The following PDGFC variants were observed in gnomAD, a reference collection of about 807,000 sequenced individuals.
PDGFC encodes the protein platelet derived growth factor C.
Under a neutral mutation model 35.5 loss-of-function variants are expected in PDGFC, and 12 were observed. The ratio of observed to expected loss-of-function variants is 0.34; its 90% confidence interval spans 0.22 to 0.55. PDGFC has a LOEUF of 0.55. PDGFC is among the 20% of genes least tolerant of loss of function. The pLI, the probability that PDGFC is intolerant of heterozygous loss-of-function variation, is 0.91. For synonymous variants in PDGFC, 159 were observed against 148.8 expected (o/e 1.07, Z -0.50); for missense variants, 322 against 412.4 (o/e 0.78, Z 1.90).
At chr4:156,877,252 T>G (rs990669072) in intron 1 of PDGFC, among the ~76,000 whole-genome samples, 1 of 151,292 alleles carries the variant, frequency 6.6e-6, no homozygotes, top group Non-Finnish European at 1.5e-5. Flanking sequence ...CCTTTCTCAG[T>G]GTTACGGAAA....
intron 1 of PDGFC, among the ~76,000 whole-genome samples, chr4:156,949,469 CTT>C (rs1337555836): frequency 6.6e-6 from 1 of 151,754 alleles, no homozygotes; most frequent in Non-Finnish European, 1.5e-5. Flanking sequence ...CTCTCTCTCT[CTT>C]GCTCACACAC....
At position 156,816,185 on chromosome 4, in the gene PDGFC, C is replaced by G. The variant is rs576148308; in HGVS notation, c.315-5168G>C. On this transcript the variant is annotated intron_variant, in intron 2 of 5. Coordinates refer to ENST00000502773, the MANE Select transcript of PDGFC (RefSeq NM_016205.3). ...TTTCTAGTTCATGCTAACTAAAACC[C>G]TGTCAATTAAATCTACCCTATGAAT... Among the ~76,000 whole-genome samples the G allele has an allele frequency of 2.6e-5, 4 of 152,258 alleles. No homozygotes were observed. The East Asian group carries it at 7.7e-4, about 29-fold the overall frequency.
chr4:156,948,554 T>C (rs963015235), intron 1 of PDGFC, among the ~76,000 whole-genome samples: 24 of 152,128 alleles, frequency 1.6e-4, no homozygotes, highest in Admixed American at 1.5e-3. Context: ...CTATTTGTAT[T>C]TGCCTTCCCT....
At chr4:156,850,974 T>A (rs986185867) in intron 1 of PDGFC, among the ~76,000 whole-genome samples, 3 of 152,168 alleles carry the variant, frequency 2.0e-5, no homozygotes, top group African/African-American at 7.2e-5. Flanking sequence ...AAAGACTGTT[T>A]TCAGCTTTTC....
intron 1 of PDGFC, among the ~76,000 whole-genome samples, chr4:156,893,856 C>T (rs1324941268): frequency 6.6e-6 from 1 of 152,112 alleles, no homozygotes; most frequent in Non-Finnish European, 1.5e-5. Context: ...CATAAACACA[C>T]ATTATATGTT....
At chr4:156,807,826 T>C (rs1731811261) in intron 3 of PDGFC, among the ~76,000 whole-genome samples, 1 of 152,060 alleles carries the variant, frequency 6.6e-6, no homozygotes, top group East Asian at 1.9e-4. Flanking sequence ...GTGATTAAAC[T>C]CACTTAAAAT....
chr4:156,797,242 A>C (rs1394401553), intron 3 of PDGFC, among the ~76,000 whole-genome samples: 1 of 151,980 alleles, frequency 6.6e-6, no homozygotes, highest in Admixed American at 6.5e-5. Flanking sequence ...AGTCTAAAAA[A>C]AAAAAAGAAA....
intron 4 of PDGFC, 22 bp downstream of exon 4, chr4:156,772,664 C>T (rs1333880370): frequency 1.3e-6 from 2 of 1,532,980 alleles, no homozygotes; most frequent in East Asian, 2.3e-5. Context: ...AAATGAGGTT[C>T]TAATCTGAAG....
chr4:156,941,430 G>T (rs1326277110), intron 1 of PDGFC, among the ~76,000 whole-genome samples: 1 of 152,106 alleles, frequency 6.6e-6, no homozygotes, highest in Admixed American at 6.6e-5. Context: ...TGTAATTTTA[G>T]ACAGAACATT....
chr4:156,930,833 C>T (rs1560878565), intron 1 of PDGFC, among the ~76,000 whole-genome samples: 1 of 152,076 alleles, frequency 6.6e-6, no homozygotes. Flanking sequence ...CATGCCATTG[C>T]ACTCCAGCCT....
At chr4:156,792,877 A>G (rs888695683) in intron 3 of PDGFC, among the ~76,000 whole-genome samples, 2 of 152,154 alleles carry the variant, frequency 1.3e-5, no homozygotes, top group African/African-American at 4.8e-5. Context: ...TCCAGAGGGT[A>G]TGAAGGAAAC....
At chr4:156,918,991 T>C (rs182959002) in intron 1 of PDGFC, among the ~76,000 whole-genome samples, 4 of 152,342 alleles carry the variant, frequency 2.6e-5, no homozygotes, top group African/African-American at 4.8e-5. Flanking sequence ...ACAACACGAC[T>C]TACCAAGCAT....
intron 1 of PDGFC, among the ~76,000 whole-genome samples, chr4:156,872,353 T>G (rs1182941436): frequency 6.6e-6 from 1 of 152,050 alleles, no homozygotes; most frequent in Non-Finnish European, 1.5e-5. Flanking sequence ...TAAAAAAAAG[T>G]GATTAAGAAT....
At chr4:156,822,864 G>A (rs1732309064) in intron 2 of PDGFC, among the ~76,000 whole-genome samples, 1 of 152,046 alleles carries the variant, frequency 6.6e-6, no homozygotes, top group Non-Finnish European at 1.5e-5. Context: ...TCGCCTCCCA[G>A]GTTCAAGCGA....
At chr4:156,869,127 A>C (rs2111136700) in intron 1 of PDGFC, among the ~76,000 whole-genome samples, 1 of 152,168 alleles carries the variant, frequency 6.6e-6, no homozygotes. Context: ...AATTTAATAT[A>C]ATTAGGTTTT....
chr4:156,843,090 A>G (rs1182738217), intron 2 of PDGFC, among the ~76,000 whole-genome samples: 3 of 152,130 alleles, frequency 2.0e-5, no homozygotes, highest in Admixed American at 6.5e-5. Flanking sequence ...TGCAAAACTC[A>G]TATGTGAAAT....
chr4:156,855,005 T>C (rs901415090), intron 1 of PDGFC, among the ~76,000 whole-genome samples: 5 of 151,774 alleles, frequency 3.3e-5, no homozygotes, highest in Admixed American at 3.3e-4. Flanking sequence ...AAGGTAGAGG[T>C]ACTGGAAACT....
intron 1 of PDGFC, among the ~76,000 whole-genome samples, chr4:156,878,734 A>G (rs1730174357): frequency 6.6e-6 from 1 of 152,098 alleles, no homozygotes; most frequent in African/African-American, 2.4e-5. Context: ...TGTAATACAA[A>G]TCATTGGTCT....
chr4:156,806,601 A>G lies in PDGFC; in HGVS notation c.495+4236T>C, dbSNP rs566578823. On this transcript the variant is annotated intron_variant, in intron 3 of 5. Transcript: ENST00000502773. ...GAATAGTTCTAAATATAAGACTAAA[A>G]TAACTTTAAAAATTCAGATTTAGAT... Among the ~76,000 whole-genome samples, 88 of 152,158 alleles carry G rather than the reference A, an allele frequency of 5.8e-4. No homozygotes were observed. In the South Asian group the frequency reaches 0.01, roughly 18 times the overall value.
Sources: allele counts gnomAD v4.1 joint callset (sites outside exome capture counted in the v4.1 genomes callset), GRCh38; gene constraint gnomAD v4.1.1; transcripts MANE v1.5; gene names NCBI Gene and HGNC (gene_info 2026-07-23, HGNC 2026-07-21).